The following USP25 variants were observed in gnomAD, a reference collection of about 807,000 sequenced individuals.
USP25 encodes ubiquitin carboxyl-terminal hydrolase 25.
Under a neutral mutation model 158.5 loss-of-function variants are expected in USP25, and 85 were observed. The ratio of observed to expected loss-of-function variants is 0.54; its 90% CI spans 0.45 to 0.64. The LOEUF is 0.64. Among genes scored for constraint, USP25 ranks in the 30% least tolerant of loss-of-function variants. The pLI, the probability that USP25 is intolerant of heterozygous loss-of-function variation, is 0.00. For missense variants in USP25, 1,242 were observed against 1,327.3 expected, an observed-to-expected ratio of 0.94 and a Z score of 1.00; for synonymous variants, 464 against 460.4, an observed-to-expected ratio of 1.01 and a Z score of -0.10.
In USP25 at chr21:15,745,396, T is replaced by A. The variant is rs185868769; in HGVS notation, c.45+14958T>A. On this transcript the variant is annotated intron_variant, in intron 1 of 25. Coordinates refer to ENST00000400183, the MANE Select transcript of USP25 (RefSeq NM_001283041.3). ...CATTTTCTTAACAGTTTCTTTGAAG[T>A]TGAAGTATTTTAATATTGATTGTTT... 3.3e-5 allele frequency among the ~76,000 whole-genome samples: 5 copies of A among 152,178 alleles called. No individual in the cohort carries two copies. In the East Asian group the frequency reaches 9.6e-4, roughly 29 times the overall value.
At chr21:15,849,711 C>A in intron 19 of USP25, 66 bp from the exon 20 acceptor site, 1 of 1,220,640 alleles carries the variant, frequency 8.2e-7, no homozygotes, top group South Asian at 1.5e-5. Flanking sequence ...AGAGTTTCAG[C>A]TTGCATGTGA....
At chr21:15,761,630 C>T (rs762838280) in intron 1 of USP25, among the ~76,000 whole-genome samples, 3 of 152,168 alleles carry the variant, frequency 2.0e-5, no homozygotes, top group African/African-American at 4.8e-5. Flanking sequence ...ACACACTGTG[C>T]GTGCAGCCCC....
intron 4 of USP25, among the ~76,000 whole-genome samples, chr21:15,780,176 G>C (rs1447840685): frequency 6.6e-6 from 1 of 152,084 alleles, no homozygotes; most frequent in African/African-American, 2.4e-5. Flanking sequence ...AGAATCATTT[G>C]CTTATTATAT....
At chr21:15,791,388 T>C (rs956755875) in intron 4 of USP25, 114 bp from the exon 5 acceptor site, 3 of 1,143,852 alleles carry the variant, frequency 2.6e-6, no homozygotes, top group Non-Finnish European at 3.5e-6. Flanking sequence ...TTAAATATTA[T>C]TTCTTCAAAT....
chr21:15,858,001 C>G (rs1290688581), intron 20 of USP25, among the ~76,000 whole-genome samples: 1 of 151,892 alleles, frequency 6.6e-6, no homozygotes, highest in East Asian at 1.9e-4. Flanking sequence ...TATACTAAAT[C>G]CCTACTTATA....
Position 15,824,041 on chromosome 21 carries a change from T to C in USP25, c.1083T>C (p.His361=), listed in dbSNP as rs1036274847. The C allele has an allele frequency of 6.2e-6, 10 of 1,612,250 alleles. No homozygotes were observed. Among genetic ancestry groups the C allele is most frequent in the Non-Finnish European group, 7.6e-6 (9 of 1,179,084 alleles). Residue 361 remains histidine, a splice_region_variant and synonymous_variant, in exon 11 of 26, where the codon CAT becomes CAC. Coordinates refer to ENST00000400183, the MANE Select transcript of USP25 (RefSeq NM_001283041.3). The part of the protein sequence containing the change: ...SENSGKSGQE[H]WFTELPPVLT... Reference sequence around the variant, plus strand: ...GTTATTGTTTTATTTCCTTTCAGCATTGGTTTACTGAATTACCACCTGTGT... The same window carrying C: ...GTTATTGTTTTATTTCCTTTCAGCACTGGTTTACTGAATTACCACCTGTGT...
At chr21:15,814,363 C>T (rs996342817) in intron 9 of USP25, among the ~76,000 whole-genome samples, 13 of 143,864 alleles carry the variant, frequency 9.0e-5, no homozygotes, top group African/African-American at 3.3e-4. Flanking sequence ...TAGAGTAGGA[C>T]GTTGGTGAAA....
At chr21:15,808,755 T>A in intron 7 of USP25, 54 bp from the exon 8 acceptor site, 1 of 1,362,140 alleles carries the variant, frequency 7.3e-7, no homozygotes, top group Non-Finnish European at 1.0e-6. Flanking sequence ...TTACAACATC[T>A]AGTATTTTTT....
intron 18 of USP25, among the ~76,000 whole-genome samples, chr21:15,847,072 A>G (rs1034122305): frequency 1.4e-4 from 21 of 152,330 alleles, no homozygotes; most frequent in African/African-American, 5.1e-4. Context: ...GTATATAATA[A>G]GTTAAACAAA....
chr21:15,788,643 G>A (rs777597494), intron 4 of USP25, among the ~76,000 whole-genome samples: 36 of 151,958 alleles, frequency 2.4e-4, no homozygotes, highest in Non-Finnish European at 4.7e-4. Flanking sequence ...GTAAAATTCT[G>A]GTGATAAAAT....
intron 18 of USP25, among the ~76,000 whole-genome samples, chr21:15,846,998 T>C (rs1284541261): frequency 4.6e-5 from 7 of 152,194 alleles, no homozygotes; most frequent in Admixed American, 4.6e-4. Flanking sequence ...CAACAGCTTT[T>C]TCTTATTTTC....
At chr21:15,819,079 A>T (rs987902474) in intron 10 of USP25, among the ~76,000 whole-genome samples, 1 of 152,194 alleles carries the variant, frequency 6.6e-6, no homozygotes. Flanking sequence ...TTAAAATCTT[A>T]GGACATTGTT....
chr21:15,752,636 A>G (rs1248574026), intron 1 of USP25, among the ~76,000 whole-genome samples: 5 of 152,164 alleles, frequency 3.3e-5, no homozygotes, highest in Non-Finnish European at 1.5e-5. Context: ...TCTAGGACTA[A>G]CTATATCCAT....
chr21:15,730,983 T>TG (rs1033392461), intron 1 of USP25, among the ~76,000 whole-genome samples: 8 of 128,950 alleles, frequency 6.2e-5, no homozygotes, highest in African/African-American at 1.1e-4. Flanking sequence ...TCTGTTTTTT[T>TG]TTTTTTTTTT....
chr21:15,731,244 C>CATAGTGCACTTAAGTGCACT (rs1478815508), intron 1 of USP25, among the ~76,000 whole-genome samples: 1 of 152,166 alleles, frequency 6.6e-6, no homozygotes, highest in Non-Finnish European at 1.5e-5. Flanking sequence ...AGTGCACTAT[C>CATAGTGCACTTAAGTGCACT]ATGGCTTGCA....
At chr21:15,831,835 G>T (rs943203719) in intron 16 of USP25, among the ~76,000 whole-genome samples, 5 of 152,156 alleles carry the variant, frequency 3.3e-5, no homozygotes, top group Non-Finnish European at 7.4e-5. Flanking sequence ...ACTATTAAAG[G>T]TAAATATGAC....
chr21:15,826,252 T>A lies in USP25; in HGVS notation c.1353T>A (p.Val451=). ...CCAAACGATTCCCCTTGGTAGATGTTCTTCAGTATGCATTGGAATTTGCCT... is the reference window on the plus strand; with the variant it reads ...CCAAACGATTCCCCTTGGTAGATGTACTTCAGTATGCATTGGAATTTGCCT... The part of the protein sequence containing the change: ...SGPKRFPLVD[V]LQYALEFASS... The change falls in exon 13 of 26, where the codon GTT becomes GTA. Residue 451 remains valine (V), a synonymous_variant. Coordinates refer to ENST00000400183, the MANE Select transcript of USP25 (RefSeq NM_001283041.3). The surrounding 1 kb of genome is among the most constrained non-coding windows in gnomAD (Gnocchi z 4.8). 5 of 1,614,100 alleles carry A rather than the reference T, an allele frequency of 3.1e-6. No individual in the cohort carries two copies. The highest frequency in any genetic ancestry group is 4.2e-6 in the Non-Finnish European group (5 of 1,179,966).
intron 14 of USP25, among the ~76,000 whole-genome samples, chr21:15,829,096 C>T (rs914623154): frequency 3.3e-5 from 5 of 151,918 alleles, no homozygotes; most frequent in African/African-American, 1.2e-4. Flanking sequence ...TCATTTAATT[C>T]CCATATTGAT....
intron 14 of USP25, among the ~76,000 whole-genome samples, 158 bp downstream of exon 14, chr21:15,827,361 T>G (rs2037562667): frequency 6.6e-6 from 1 of 152,202 alleles, no homozygotes; most frequent in African/African-American, 2.4e-5. Context: ...GGCTCCCCAT[T>G]TTTATAATCT....
Sources: allele counts gnomAD v4.1 joint callset (sites outside exome capture counted in the v4.1 genomes callset), GRCh38; gene constraint gnomAD v4.1.1; non-coding constraint Gnocchi (gnomAD v3.1); transcripts MANE v1.5; gene names NCBI Gene and HGNC (gene_info 2026-07-23, HGNC 2026-07-21).